Variants in NBAS observed in about 807,000 individuals in gnomAD.
NBAS encodes the protein NAG/BC035112 fusion.
Under a neutral mutation model 302.5 loss-of-function variants are expected in NBAS, and 219 were observed. The ratio of observed to expected loss-of-function variants is 0.72; its 90% CI spans 0.65 to 0.81. The LOEUF (loss-of-function observed/expected upper bound fraction) is 0.81, where lower values mean the gene tolerates loss of function less well. NBAS is among the 30% of genes least tolerant of loss of function. NBAS has a pLI of 0.00. For synonymous variants in NBAS, 1,118 were observed against 1,021.6 expected, an observed-to-expected ratio of 1.09 and a Z score of -1.80; for missense variants, 2,932 against 2,841.6, an observed-to-expected ratio of 1.03 and a Z score of -0.72.
chr2:15,408,899 T>G (rs1676550511), intron 25 of NBAS, among the ~76,000 whole-genome samples: 1 of 152,152 alleles, frequency 6.6e-6, no homozygotes, highest in Non-Finnish European at 1.5e-5. Flanking sequence ...TAGCCAGGCG[T>G]GGTGGCTCAT....
At chr2:15,537,656 C>A (rs1663583663) in intron 7 of NBAS, among the ~76,000 whole-genome samples, 1 of 152,058 alleles carries the variant, frequency 6.6e-6, no homozygotes, top group African/African-American at 2.4e-5. Context: ...GCACTATGAT[C>A]ATTATCATTA....
intron 47 of NBAS, among the ~76,000 whole-genome samples, chr2:15,224,079 G>C (rs1273503398): frequency 1.3e-5 from 2 of 152,258 alleles, no homozygotes; most frequent in Admixed American, 1.3e-4. Context: ...TTACAGAAAA[G>C]AACAGCAGCA....
chr2:15,341,344 C>T (rs1381930356), intron 35 of NBAS, among the ~76,000 whole-genome samples: 2 of 151,646 alleles, frequency 1.3e-5, no homozygotes, highest in South Asian at 2.1e-4. Flanking sequence ...CAAGATAGTG[C>T]CAATGAACTC....
chr2:15,291,649 G>A (rs923642112), intron 41 of NBAS, among the ~76,000 whole-genome samples: 4 of 152,144 alleles, frequency 2.6e-5, no homozygotes, highest in African/African-American at 9.7e-5. Flanking sequence ...CCCTTGACAG[G>A]GGGAAGGGAC....
chr2:15,156,584 C>T, the NBAS span, among the ~76,000 whole-genome samples: 2 of 152,156 alleles, frequency 1.3e-5, no homozygotes, highest in Non-Finnish European at 2.9e-5. Flanking sequence ...TCCTTCAAGC[C>T]TCTTTTATAC....
At chr2:15,063,313 C>T in the NBAS span, among the ~76,000 whole-genome samples, 431 of 151,870 alleles carry the variant, frequency 2.8e-3, 8 homozygotes, top group Non-Finnish European at 7.9e-4. Context: ...TTTCAAGGCC[C>T]CCTGTTCATT....
At chr2:15,557,166 T>A (rs950776954) in intron 2 of NBAS, among the ~76,000 whole-genome samples, 7 of 152,122 alleles carry the variant, frequency 4.6e-5, no homozygotes, top group Non-Finnish European at 7.4e-5. Context: ...AACCAAAATA[T>A]TTGTATAAAA....
the NBAS span, among the ~76,000 whole-genome samples, chr2:15,027,749 C>T: frequency 3.1e-3 from 469 of 152,248 alleles, 3 homozygotes; most frequent in African/African-American, 0.011. Flanking sequence ...ACGTTTACCA[C>T]TGATTTTTAG....
chr2:14,956,935 C>T, the NBAS span, among the ~76,000 whole-genome samples: 1 of 152,154 alleles, frequency 6.6e-6, no homozygotes, highest in Non-Finnish European at 1.5e-5. Context: ...ATCTTATTTG[C>T]AGATAGGATC....
intron 21 of NBAS, among the ~76,000 whole-genome samples, chr2:15,450,504 A>G (rs1368986384): frequency 2.0e-5 from 3 of 152,176 alleles, no homozygotes; most frequent in Admixed American, 6.5e-5. Flanking sequence ...CCCTCCTCAT[A>G]TAACACATTT....
At chr2:14,990,258 C>CAA in the NBAS span, among the ~76,000 whole-genome samples, 117 of 59,872 alleles carry the variant, frequency 2.0e-3, no homozygotes, top group African/African-American at 4.5e-3. Flanking sequence ...ACTAAAACTC[C>CAA]AAAAAAAAAA....
At chr2:15,237,099 C>A (rs755334095) in intron 45 of NBAS, among the ~76,000 whole-genome samples, 8 of 152,108 alleles carry the variant, frequency 5.3e-5, no homozygotes, top group South Asian at 4.2e-4. Context: ...TTACAAGGTT[C>A]ATTTACCATA....
At chr2:15,180,578 T>C (rs1393302350) in intron 50 of NBAS, among the ~76,000 whole-genome samples, 1 of 152,106 alleles carries the variant, frequency 6.6e-6, no homozygotes, top group Non-Finnish European at 1.5e-5. Context: ...GGCCTCTTCC[T>C]CCTCCTCTCG....
chr2:14,847,971 A>G, the NBAS span, among the ~76,000 whole-genome samples: 8 of 152,228 alleles, frequency 5.3e-5, no homozygotes, highest in Non-Finnish European at 1.0e-4. Context: ...ATCAAGAATG[A>G]GAGGAATTTT....
At chr2:14,849,454 T>C in the NBAS span, among the ~76,000 whole-genome samples, 3 of 151,862 alleles carry the variant, frequency 2.0e-5, no homozygotes, top group Non-Finnish European at 4.4e-5. Context: ...TTACGTCTGA[T>C]TGGTGTACCT....
intron 19 of NBAS, among the ~76,000 whole-genome samples, chr2:15,465,759 TATA>T (rs1679695680): frequency 6.6e-6 from 1 of 152,150 alleles, no homozygotes; most frequent in African/African-American, 2.4e-5. Flanking sequence ...ACTGTTACAG[TATA>T]ATAATAAATA....
the NBAS span, among the ~76,000 whole-genome samples, chr2:14,944,380 C>T: frequency 6.6e-6 from 1 of 152,172 alleles, no homozygotes; most frequent in Non-Finnish European, 1.5e-5. Context: ...TAAAGTGCTT[C>T]ACTTCAAGTA....
At chr2:15,314,322 C>T (rs868441225) in intron 38 of NBAS, among the ~76,000 whole-genome samples, 1 of 152,180 alleles carries the variant, frequency 6.6e-6, no homozygotes. Flanking sequence ...GATCACACCG[C>T]TGCACTCCAG....
At chr2:14,894,521 TTAAC>T in the NBAS span, among the ~76,000 whole-genome samples, 6 of 151,908 alleles carry the variant, frequency 3.9e-5, no homozygotes, top group Non-Finnish European at 5.9e-5. Context: ...TAAGTAATCA[TTAAC>T]TAACAGAAAT....
Sources: gnomAD v4.1 joint callset for allele counts (sites outside exome capture counted in the v4.1 genomes callset) on GRCh38, gnomAD v4.1.1 for gene constraint, MANE v1.5 for transcripts, NCBI Gene and HGNC (gene_info 2026-07-23, HGNC 2026-07-21) for gene names.